NSMCE2: variants seen among roughly 807,000 people sequenced by gnomAD.
The protein encoded by NSMCE2 is E3 SUMO-protein ligase NSE2.
A neutral mutation model predicts 23.8 loss-of-function variants in NSMCE2; 24 were observed. The observed-to-expected ratio is 1.01, with a 90% CI of 0.73 to 1.42. The LOEUF is 1.42. Among genes scored for constraint, NSMCE2 ranks in the 40% most tolerant of loss-of-function variants. The pLI, the probability that NSMCE2 is intolerant of heterozygous loss-of-function variation, is 0.00. For synonymous variants in NSMCE2, 92 were observed against 94.1 expected (o/e 0.98, Z 0.13); for missense variants, 284 against 296.5 (o/e 0.96, Z 0.31).
intron 7 of NSMCE2, among the ~76,000 whole-genome samples, chr8:125,363,933 CT>C (rs970551291): frequency 5.3e-5 from 8 of 151,146 alleles, no homozygotes; most frequent in East Asian, 3.9e-4. Flanking sequence ...ATGTAGGGCA[CT>C]TTTTTTTTGT....
chr8:125,184,519 C>T (rs1822998453), intron 5 of NSMCE2, among the ~76,000 whole-genome samples: 1 of 151,760 alleles, frequency 6.6e-6, no homozygotes, highest in Non-Finnish European at 1.5e-5. Flanking sequence ...ATAACTTTCC[C>T]CTAAAATAAT....
chr8:125,348,965 C>G (rs1374399605), intron 5 of NSMCE2: 2 of 150,806 alleles, frequency 1.3e-5, no homozygotes, highest in African/African-American at 4.9e-5. Context: ...AACTGAGGTA[C>G]AAAGCTGGAC....
intron 3 of NSMCE2, among the ~76,000 whole-genome samples, chr8:125,126,151 G>T (rs1211166318): frequency 6.6e-6 from 1 of 152,140 alleles, no homozygotes; most frequent in Non-Finnish European, 1.5e-5. Flanking sequence ...GAGAGGCCAA[G>T]GCGGGCAGAT....
chr8:125,276,491 C>A, intron 5 of NSMCE2, among the ~76,000 whole-genome samples: 1 of 151,396 alleles, frequency 6.6e-6, no homozygotes, highest in East Asian at 1.9e-4. Flanking sequence ...CTTGGCCTAC[C>A]TTCCTCCTAT....
At chr8:125,130,659 G>C (rs529605807) in intron 3 of NSMCE2, among the ~76,000 whole-genome samples, 1 of 152,284 alleles carries the variant, frequency 6.6e-6, no homozygotes, top group African/African-American at 2.4e-5. Context: ...AGCAGACAGA[G>C]CTAGGAAATA....
chr8:125,309,553 G>A (rs1433004288), intron 5 of NSMCE2, among the ~76,000 whole-genome samples: 3 of 151,994 alleles, frequency 2.0e-5, no homozygotes, highest in African/African-American at 7.3e-5. Context: ...CGAGACCCCT[G>A]TCTCTACTAA....
chr8:125,213,963 A>T (rs557851066), intron 5 of NSMCE2, among the ~76,000 whole-genome samples: 1 of 152,180 alleles, frequency 6.6e-6, no homozygotes, highest in Admixed American at 6.5e-5. Flanking sequence ...TTCTTACTTT[A>T]TATCTGGATA....
chr8:125,270,115 T>G (rs190912288), intron 5 of NSMCE2, among the ~76,000 whole-genome samples: 10 of 152,044 alleles, frequency 6.6e-5, no homozygotes, highest in African/African-American at 2.2e-4. Context: ...AGGTAAAAAA[T>G]GAAGTTGGAG....
At position 125,206,280 on chromosome 8, in the gene NSMCE2, A is replaced by G. The variant is rs546454738; in HGVS notation, c.418+24024A>G. Among the ~76,000 whole-genome samples the G allele has an allele frequency of 3.3e-5, 5 of 152,350 alleles. No homozygotes were observed. The East Asian group carries it at 9.6e-4, about 29-fold the overall frequency. On this transcript the variant is annotated intron_variant, in intron 5 of 7. Transcript: ENST00000287437. The stretch of plus-strand genomic sequence containing the variant: ...TATGGGAGAAAAGATTACAAGGGTA[A>G]GTTGGGACAGATTTATGGAGTTACT...
intron 5 of NSMCE2, among the ~76,000 whole-genome samples, chr8:125,334,826 A>T (rs1830017935): frequency 8.8e-6 from 1 of 113,580 alleles, no homozygotes; most frequent in Non-Finnish European, 1.6e-5. Context: ...TCTGTCACCC[A>T]GGCTGGAGTG....
intron 5 of NSMCE2, among the ~76,000 whole-genome samples, chr8:125,189,821 T>C (rs1232452112): frequency 1.3e-5 from 2 of 152,250 alleles, no homozygotes; most frequent in Non-Finnish European, 1.5e-5. Context: ...TACAATGATA[T>C]GTTGGCACAA....
At chr8:125,171,153 A>G (rs528151464) in intron 4 of NSMCE2, among the ~76,000 whole-genome samples, 48 of 152,292 alleles carry the variant, frequency 3.2e-4, no homozygotes, top group African/African-American at 1.0e-3. Context: ...CCATCACAGA[A>G]GAGCTCACTC....
At chr8:125,187,535 T>C (rs1421009942) in intron 5 of NSMCE2, among the ~76,000 whole-genome samples, 1 of 152,192 alleles carries the variant, frequency 6.6e-6, no homozygotes, top group Non-Finnish European at 1.5e-5. Context: ...AGTTTTAACA[T>C]CAGGAGAACT....
At chr8:125,277,413 T>G (rs569883159) in intron 5 of NSMCE2, among the ~76,000 whole-genome samples, 2 of 152,128 alleles carry the variant, frequency 1.3e-5, no homozygotes, top group African/African-American at 2.4e-5. Flanking sequence ...TTTAGAGATC[T>G]CAAAAGAAAA....
intron 5 of NSMCE2, among the ~76,000 whole-genome samples, chr8:125,343,765 G>A (rs1350306367): frequency 1.3e-5 from 2 of 152,174 alleles, no homozygotes; most frequent in African/African-American, 2.4e-5. Flanking sequence ...GGAGGCCAAG[G>A]CAGGCAGATC....
At chr8:125,225,430 G>A (rs1219988040) in intron 5 of NSMCE2, among the ~76,000 whole-genome samples, 1 of 152,152 alleles carries the variant, frequency 6.6e-6, no homozygotes, top group Non-Finnish European at 1.5e-5. Flanking sequence ...TCAGAGCCCT[G>A]CAGCTCTCAT....
rs34345598 is a variant in NSMCE2 at position 125,330,177 on chromosome 8, C to CTTTTTTTTT, written c.419-27039_419-27038insTTTTTTTTT. 2.9e-4 allele frequency among the ~76,000 whole-genome samples: 35 copies of CTTTTTTTTT among 119,126 alleles called. 2 individuals carry two copies. Among genetic ancestry groups the CTTTTTTTTT allele is most frequent in the Middle Eastern group, 4.0e-3 (1 of 252 alleles). 78.2% of individuals were successfully genotyped at this position (119,126 alleles called of 152,430 possible). A position where few individuals can be genotyped will look rare whatever the true frequency, so the allele number is the denominator to read the frequency against. On this transcript the variant is annotated intron_variant, in intron 5 of 7. Coordinates refer to ENST00000287437, the MANE Select transcript of NSMCE2 (RefSeq NM_173685.4). ...AAACAGAACTAACTTTTTCTTTTTT[C>CTTTTTTTTT]TTTCTTTTTTTTTTTTTTTGAGACA...
At chr8:125,229,272 A>G (rs1479418332) in intron 5 of NSMCE2, among the ~76,000 whole-genome samples, 1 of 152,224 alleles carries the variant, frequency 6.6e-6, no homozygotes, top group Admixed American at 6.5e-5. Context: ...AGCACTTAGT[A>G]GATCGATGAA....
chr8:125,274,999 G>GATA (rs72261443), intron 5 of NSMCE2, among the ~76,000 whole-genome samples: 8,436 of 142,306 alleles, frequency 0.059, 259 homozygotes, highest in East Asian at 0.15. Context: ...ATCTGAAGAT[G>GATA]ATAATAATAA....
Sources: allele counts gnomAD v4.1 joint callset (sites outside exome capture counted in the v4.1 genomes callset), GRCh38; gene constraint gnomAD v4.1.1; transcripts MANE v1.5; gene names NCBI Gene and HGNC (gene_info 2026-07-23, HGNC 2026-07-21).